CCDC7: variants seen among roughly 807,000 people sequenced by gnomAD.
CCDC7 encodes coiled-coil domain-containing protein 7.
In CCDC7, 183 loss-of-function variants were observed where a neutral mutation model predicts 196.9. The ratio of observed to expected loss-of-function variants is 0.93; its 90% confidence interval spans 0.82 to 1.05. The LOEUF is 1.05. CCDC7 is among the 50% of genes least tolerant of loss of function. The pLI is 0.00. For missense variants in CCDC7, 1,540 were observed against 1,482.2 expected (o/e 1.04, Z -0.64); for synonymous variants, 525 against 484.6 (o/e 1.08, Z -1.10).
intron 41 of CCDC7, 83 bp from the exon 43 acceptor site, chr10:32,876,264 C>A: frequency 1.0e-6 from 1 of 985,122 alleles, no homozygotes; most frequent in Non-Finnish European, 1.5e-6. Context: ...TTCTGTTTTC[C>A]ATGATATCAT....
At position 32,567,737 on chromosome 10, in the gene CCDC7, G is replaced by A. The variant is rs199840619; in HGVS notation, c.1265G>A (p.Gly422Glu). 48 of 1,613,038 alleles carry A rather than the reference G, an allele frequency of 3.0e-5. No homozygotes were observed. In the African/African-American group the frequency reaches 4.1e-4, roughly 14 times the overall value. ...CAAGAGAAGTTACTTAAAAGTGAGG[G>A]GAAAACTGAGACAACAATGCAAGTG... The change falls in exon 15 of 42, where the codon GGG (glycine) becomes GAG (glutamate). Residue 422 changes from glycine (G) to glutamate (E), a missense_variant. Gly to Glu is a moderately conservative substitution (Grantham distance 98). Coordinates refer to ENST00000639629, the Ensembl canonical transcript of CCDC7.
intron 9 of CCDC7, among the ~76,000 whole-genome samples, chr10:32,508,661 C>T (rs969597778): frequency 1.1e-4 from 17 of 151,812 alleles, no homozygotes; most frequent in East Asian, 3.9e-4. Flanking sequence ...CTCACTCTGT[C>T]GCCCAGGCTG....
chr10:32,624,785 G>A (rs1818199267), intron 18 of CCDC7, among the ~76,000 whole-genome samples: 1 of 151,814 alleles, frequency 6.6e-6, no homozygotes, highest in South Asian at 2.1e-4. Context: ...ATACTTACTG[G>A]CCATTTGTAT....
At chr10:32,854,971 T>C (rs543921783) in intron 41 of CCDC7, among the ~76,000 whole-genome samples, 6 of 152,356 alleles carry the variant, frequency 3.9e-5, no homozygotes, top group African/African-American at 1.4e-4. Flanking sequence ...TATATCATTT[T>C]AATTTTAATA....
intron 41 of CCDC7, among the ~76,000 whole-genome samples, chr10:32,867,535 T>C (rs929243728): frequency 2.6e-5 from 4 of 151,024 alleles, no homozygotes; most frequent in African/African-American, 4.9e-5. Context: ...TAAACTTGAA[T>C]TGATAGAAAA....
chr10:32,759,386 C>G (rs2077041745), intron 28 of CCDC7, among the ~76,000 whole-genome samples: 1 of 152,040 alleles, frequency 6.6e-6, no homozygotes, highest in Non-Finnish European at 1.5e-5. Context: ...GTACTGGTAC[C>G]AAAACAGAGA....
rs527954029 is a variant in CCDC7 at position 32,664,692 on chromosome 10, G to T, written c.2122+531G>T. On this transcript the variant is annotated intron_variant, in intron 21 of 41. Transcript: ENST00000639629. ...AAATTTACTTCCTTTTTTTAAGGGT[G>T]ATTTTCGTTATCTATTGATCTGTGG... Among the ~76,000 whole-genome samples, 315 of 151,976 alleles carry T rather than the reference G, an allele frequency of 2.1e-3. 1 individual carries two copies. The highest frequency in any genetic ancestry group is 3.5e-3 in the Non-Finnish European group (235 of 67,866).
chr10:32,451,602 GT>G (rs910076669), upstream of CCDC7: 1 of 1,530,790 alleles, frequency 6.5e-7, no homozygotes, highest in African/African-American at 1.4e-5. Flanking sequence ...GGAGGAATAA[GT>G]TTTTTTCATC....
chr10:32,590,890 C>T (rs1033302923), intron 18 of CCDC7, among the ~76,000 whole-genome samples: 3 of 152,134 alleles, frequency 2.0e-5, no homozygotes, highest in African/African-American at 7.2e-5. Flanking sequence ...GTTTTTTTCC[C>T]TCTTGCTGCT....
intron 28 of CCDC7, among the ~76,000 whole-genome samples, chr10:32,766,247 A>C (rs1325307866): frequency 5.9e-5 from 9 of 152,070 alleles, no homozygotes; most frequent in African/African-American, 2.2e-4. Context: ...GGCCTCTCCT[A>C]CTACCCAAAA....
intron 18 of CCDC7, among the ~76,000 whole-genome samples, chr10:32,625,190 G>A (rs574404487): frequency 1.3e-5 from 2 of 151,268 alleles, no homozygotes; most frequent in Admixed American, 1.3e-4. Context: ...TTTTGTGTAT[G>A]TGTCAAATAA....
intron 13 of CCDC7, among the ~76,000 whole-genome samples, chr10:32,564,732 G>A (rs61856045): frequency 1.3e-5 from 2 of 151,906 alleles, no homozygotes; most frequent in Non-Finnish European, 2.9e-5. Flanking sequence ...CAGCACACCA[G>A]CATGGCACAT....
At chr10:32,663,671 C>G (rs2072008871) in intron 20 of CCDC7, among the ~76,000 whole-genome samples, 1 of 151,838 alleles carries the variant, frequency 6.6e-6, no homozygotes, top group Non-Finnish European at 1.5e-5. Context: ...TTTTTATTAA[C>G]CAATTTCATA....
intron 28 of CCDC7, among the ~76,000 whole-genome samples, chr10:32,735,626 A>G (rs2084735580): frequency 6.6e-6 from 1 of 151,686 alleles, no homozygotes; most frequent in South Asian, 2.1e-4. Context: ...GGTGGCTTTT[A>G]TTTTCATTTT....
chr10:32,794,763 T>C (rs1340972172), intron 29 of CCDC7, among the ~76,000 whole-genome samples: 1 of 152,214 alleles, frequency 6.6e-6, no homozygotes, highest in African/African-American at 2.4e-5. Context: ...GCCCATATTT[T>C]AATGGGGTTA....
At chr10:32,559,971 G>A (rs1208121620) in intron 13 of CCDC7, among the ~76,000 whole-genome samples, 1 of 152,154 alleles carries the variant, frequency 6.6e-6, no homozygotes, top group South Asian at 2.1e-4. Flanking sequence ...ACAGTGAAGT[G>A]CTTAAAGGAG....
rs544969169 is a variant in CCDC7 at position 32,839,755 on chromosome 10, CAA to C, written c.3352+4860_3352+4861del. The stretch of plus-strand genomic sequence containing the variant: ...CCAAGATAGACCATATGACAGGCCA[CAA>C]AACAAGTCTCAGTAAATTTAAGAAA... On this transcript the variant is annotated intron_variant, in intron 33 of 41. Transcript: ENST00000639629. Among the ~76,000 whole-genome samples, 13 of 151,964 alleles carry C rather than the reference CAA, an allele frequency of 8.6e-5. 1 individual carries two copies. The South Asian group carries it at 2.7e-3, about 32-fold the overall frequency.
At chr10:32,461,001 T>C (rs1027380025) in intron 3 of CCDC7, among the ~76,000 whole-genome samples, 2 of 152,220 alleles carry the variant, frequency 1.3e-5, no homozygotes, top group South Asian at 4.1e-4. Context: ...TTCAATCTTA[T>C]GTTACTCCCT....
intron 25 of CCDC7, among the ~76,000 whole-genome samples, chr10:32,717,875 A>G (rs12258020): frequency 0.31 from 45,968 of 146,686 alleles, 8,703 homozygotes; most frequent in African/African-American, 0.53. Flanking sequence ...CTGAAATTGA[A>G]GCAGTAATTA....
Sources: gnomAD v4.1 joint callset for allele counts (sites outside exome capture counted in the v4.1 genomes callset) on GRCh38, gnomAD v4.1.1 for gene constraint, MANE v1.5 for transcripts, NCBI Gene and HGNC (gene_info 2026-07-23, HGNC 2026-07-21) for gene names.